Variants in PCBD2 observed in about 807,000 individuals in gnomAD.
The protein encoded by PCBD2 is pterin-4 alpha-carbinolamine dehydratase 2.
In PCBD2, 12 loss-of-function variants were observed where a neutral mutation model predicts 16.4. The ratio of observed to expected loss-of-function variants is 0.73; its 90% CI spans 0.47 to 1.19. PCBD2 has a LOEUF of 1.19. Ranked by LOEUF, PCBD2 falls within the 50% of genes most tolerant of loss-of-function variation. PCBD2 has a pLI of 0.00. For synonymous variants in PCBD2, 58 were observed against 61.8 expected, an observed-to-expected ratio of 0.94 and a Z score of 0.29; for missense variants, 138 against 156.8, an observed-to-expected ratio of 0.88 and a Z score of 0.64.
intron 2 of PCBD2, among the ~76,000 whole-genome samples, chr5:134,922,786 C>T (rs1750920310): frequency 6.6e-6 from 1 of 151,636 alleles, no homozygotes; most frequent in Non-Finnish European, 1.5e-5. Context: ...CCTCAGCCTC[C>T]CGAGTAGCTG....
chr5:134,939,248 G>T (rs1751195995), intron 2 of PCBD2, among the ~76,000 whole-genome samples: 1 of 151,924 alleles, frequency 6.6e-6, no homozygotes, highest in Admixed American at 6.6e-5. Flanking sequence ...TTCTTAAAAA[G>T]TGGTACACAG....
chr5:134,927,851 C>T (rs78308337), intron 2 of PCBD2: 14 of 367,496 alleles, frequency 3.8e-5, no homozygotes, highest in East Asian at 2.6e-4. Context: ...GGAGGGGGGT[C>T]GTTAGGGGGT....
chr5:134,938,890 A>G (rs1751192596), intron 2 of PCBD2, among the ~76,000 whole-genome samples: 1 of 152,196 alleles, frequency 6.6e-6, no homozygotes, highest in Non-Finnish European at 1.5e-5. Context: ...ACAAAAAACC[A>G]TTTTAGCCAT....
chr5:134,945,652 T>C (rs1052870133), intron 2 of PCBD2, among the ~76,000 whole-genome samples: 6 of 152,252 alleles, frequency 3.9e-5, no homozygotes, highest in African/African-American at 1.2e-4. Flanking sequence ...TTTTCATTTA[T>C]ATTCAAGATT....
At chr5:134,950,276 G>T (rs1401185825) in intron 2 of PCBD2, among the ~76,000 whole-genome samples, 1 of 152,154 alleles carries the variant, frequency 6.6e-6, no homozygotes, top group Non-Finnish European at 1.5e-5. Context: ...CTTAGTGGGA[G>T]ATATGTTCTT....
chr5:134,922,672 T>A (rs1321479285), intron 2 of PCBD2, among the ~76,000 whole-genome samples: 1 of 151,594 alleles, frequency 6.6e-6, no homozygotes, highest in Non-Finnish European at 1.5e-5. Flanking sequence ...TCTTTTTTTT[T>A]TTTTTTTTGA....
At chr5:134,931,760 A>G (rs528244227) in intron 2 of PCBD2, among the ~76,000 whole-genome samples, 35 of 152,290 alleles carry the variant, frequency 2.3e-4, no homozygotes, top group Admixed American at 8.5e-4. Flanking sequence ...TGAATGGGCA[A>G]CTCTGCTATT....
chr5:134,918,331 C>T (rs902603703), intron 2 of PCBD2, among the ~76,000 whole-genome samples: 1 of 151,990 alleles, frequency 6.6e-6, no homozygotes, highest in Non-Finnish European at 1.5e-5. Context: ...ATGGCGAAAC[C>T]CCTTCTCTAC....
At chr5:134,947,777 T>C (rs1207633185) in intron 2 of PCBD2, among the ~76,000 whole-genome samples, 3 of 147,410 alleles carry the variant, frequency 2.0e-5, no homozygotes, top group Admixed American at 6.8e-5. Context: ...ATGAAGTCGT[T>C]TTTTTTTTAT....
rs540777527 is a variant in PCBD2 at position 134,951,293 on chromosome 5, A to AT, written c.217-7739dup. ...CTTCATGAACTATTGTTATGCATATATTTTTTTTCATTTAGTAATGTATCT... is the reference window on the plus strand; with the variant it reads ...CTTCATGAACTATTGTTATGCATATATTTTTTTTTCATTTAGTAATGTATCT... On this transcript the variant is annotated intron_variant, in intron 2 of 3. Coordinates refer to ENST00000254908, the MANE Select transcript of PCBD2 (RefSeq NM_032151.5). Among the ~76,000 whole-genome samples the AT allele has an allele frequency of 4.0e-4, 61 of 151,980 alleles. No homozygotes were observed. In the Middle Eastern group the frequency reaches 0.01, roughly 25 times the overall value.
intron 2 of PCBD2, among the ~76,000 whole-genome samples, chr5:134,938,862 G>A (rs1303221481): frequency 5.9e-5 from 9 of 152,086 alleles, no homozygotes; most frequent in Admixed American, 5.9e-4. Flanking sequence ...GTTACAAGGG[G>A]CAAAAGAAAG....
intron 2 of PCBD2, among the ~76,000 whole-genome samples, chr5:134,938,040 G>T (rs1324338852): frequency 6.6e-6 from 1 of 152,126 alleles, no homozygotes; most frequent in Admixed American, 6.6e-5. Context: ...ATTGCTTTTG[G>T]TGCAGAACAA....
intron 2 of PCBD2, among the ~76,000 whole-genome samples, chr5:134,933,493 C>T (rs934091080): frequency 3.3e-5 from 5 of 152,216 alleles, no homozygotes; most frequent in African/African-American, 1.2e-4. Context: ...ACCTCAGCCT[C>T]CCAAAGTTCT....
intron 2 of PCBD2, among the ~76,000 whole-genome samples, chr5:134,953,964 T>C (rs1041627522): frequency 1.3e-5 from 2 of 152,150 alleles, no homozygotes; most frequent in Admixed American, 6.6e-5. Flanking sequence ...TTTAATTAAT[T>C]AATTAATCAG....
chr5:134,912,623 T>C (rs1178357396), intron 2 of PCBD2, among the ~76,000 whole-genome samples: 2 of 152,194 alleles, frequency 1.3e-5, no homozygotes, highest in Non-Finnish European at 2.9e-5. Flanking sequence ...AGTCACTCAT[T>C]AGCTGGGAGA....
chr5:134,948,289 T>C lies in PCBD2; in HGVS notation c.217-10751T>C, dbSNP rs916357166. On this transcript the variant is annotated intron_variant, in intron 2 of 3. Coordinates refer to ENST00000254908, the MANE Select transcript of PCBD2 (RefSeq NM_032151.5). ...TGCAGAGGAATTTGGAAACCGGTAG[T>C]GTCTCTTCAGGGAAAAGATACTCAT... Among the ~76,000 whole-genome samples, 7 of 152,352 alleles carry C rather than the reference T, an allele frequency of 4.6e-5. No homozygotes were observed. In the East Asian group the frequency reaches 1.3e-3, roughly 29 times the overall value.
At chr5:134,933,111 C>T (rs1751118266) in intron 2 of PCBD2, among the ~76,000 whole-genome samples, 1 of 152,090 alleles carries the variant, frequency 6.6e-6, no homozygotes, top group South Asian at 2.1e-4. Context: ...TGTGAATGTG[C>T]ATTTGTGTGA....
At chr5:134,910,543 G>C in intron 2 of PCBD2, 77 bp downstream of exon 2, 2 of 1,499,442 alleles carry the variant, frequency 1.3e-6, no homozygotes, top group Non-Finnish European at 1.8e-6. Flanking sequence ...GATTCTGCCA[G>C]TTGTCTGGTC....
intron 1 of PCBD2, among the ~76,000 whole-genome samples, chr5:134,907,781 C>G (rs933332964): frequency 6.6e-5 from 10 of 151,244 alleles, no homozygotes; most frequent in African/African-American, 2.4e-4. Context: ...TGCCACCACG[C>G]CCAGCTAATT....
Sources: allele counts gnomAD v4.1 joint callset (sites outside exome capture counted in the v4.1 genomes callset), GRCh38; gene constraint gnomAD v4.1.1; transcripts MANE v1.5; gene names NCBI Gene and HGNC (gene_info 2026-07-23, HGNC 2026-07-21).